MAT1A: variants seen among roughly 807,000 people sequenced by gnomAD.
The protein encoded by MAT1A is methionine adenosyltransferase 1A.
Under a neutral mutation model 44.0 loss-of-function variants are expected in MAT1A, and 19 were observed. That is an observed-to-expected ratio of 0.43 (90% CI 0.30 to 0.63). The LOEUF (loss-of-function observed/expected upper bound fraction) is 0.63, where lower values mean the gene tolerates loss of function less well. MAT1A is among the 30% of genes least tolerant of loss of function. The probability of loss-of-function intolerance (pLI) is 0.12; values close to 1 mark genes in which losing one functional copy is unlikely to be tolerated. For missense variants in MAT1A, 397 were observed against 531.0 expected (o/e 0.75, Z 2.48); for synonymous variants, 205 against 205.6 (o/e 1.00, Z 0.03).
rs377450172 is a variant in MAT1A at position 80,282,244 on chromosome 10, G to A, written c.293-1452C>T. On this transcript the variant is annotated intron_variant, in intron 3 of 8. Transcript: ENST00000372213. ...AGGAATTTGGAAAAACAGAACTTAG[G>A]GGACCAAGAGGGGAGGTACAGGACT... Among the ~76,000 whole-genome samples, 293 of 152,274 alleles carry A rather than the reference G, an allele frequency of 1.9e-3. 1 individual carries two copies. The highest frequency in any genetic ancestry group is 3.4e-3 in the Non-Finnish European group (232 of 68,034).
intron 6 of MAT1A, 129 bp downstream of exon 6, chr10:80,276,247 T>G: frequency 1.1e-6 from 1 of 922,658 alleles, no homozygotes; most frequent in Non-Finnish European, 1.7e-6. Context: ...TTCACCGACT[T>G]TACATTTAGT....
At chr10:80,278,793 C>T (rs563402609) in intron 5 of MAT1A, among the ~76,000 whole-genome samples, 35 of 152,366 alleles carry the variant, frequency 2.3e-4, no homozygotes, top group Admixed American at 1.9e-3. Context: ...ACACACAGCA[C>T]GCTGAGCTAT....
chr10:80,279,526 G>C (rs1305158603), intron 5 of MAT1A, among the ~76,000 whole-genome samples: 2 of 152,040 alleles, frequency 1.3e-5, no homozygotes, highest in Non-Finnish European at 2.9e-5. Flanking sequence ...GGGCTCATTG[G>C]GGTTAAGCAG....
At chr10:80,285,391 G>T in intron 2 of MAT1A, 121 bp downstream of exon 2, 1 of 802,214 alleles carries the variant, frequency 1.2e-6, no homozygotes, top group Non-Finnish European at 2.2e-6. Context: ...GAAATCTACT[G>T]CAGAGCAGAG....
intron 6 of MAT1A, 62 bp downstream of exon 6, chr10:80,276,314 G>T: frequency 1.3e-6 from 2 of 1,548,408 alleles, no homozygotes; most frequent in South Asian, 1.1e-5. Context: ...TTCCTGCTCT[G>T]AGACATAAGC....
intron 2 of MAT1A, among the ~76,000 whole-genome samples, chr10:80,284,389 T>A (rs1327961665): frequency 2.6e-5 from 4 of 152,080 alleles, no homozygotes; most frequent in Non-Finnish European, 5.9e-5. Flanking sequence ...AAGAAGGTAG[T>A]CCACACATGT....
intron 3 of MAT1A, among the ~76,000 whole-genome samples, chr10:80,282,098 A>G (rs894666964): frequency 5.9e-5 from 9 of 152,182 alleles, no homozygotes. Flanking sequence ...CAAATCAATG[A>G]ACAGTCTTTA....
chr10:80,278,915 G>A (rs1043732150), intron 5 of MAT1A, among the ~76,000 whole-genome samples: 1 of 152,256 alleles, frequency 6.6e-6, no homozygotes, highest in African/African-American at 2.4e-5. Context: ...GCCACTGAAG[G>A]AGAGGTGAAG....
At chr10:80,285,438 G>T in intron 2 of MAT1A, 74 bp downstream of exon 2, 23 of 1,259,308 alleles carry the variant, frequency 1.8e-5, no homozygotes, top group East Asian at 1.2e-4. Flanking sequence ...TGGCTCGTTT[G>T]TCTTATACCC....
chr10:80,280,554 GGGT>G, intron 4 of MAT1A, 123 bp downstream of exon 4: 2 of 1,028,276 alleles, frequency 1.9e-6, no homozygotes, highest in Non-Finnish European at 3.1e-6. Flanking sequence ...CGTGAAGCTG[GGGT>G]TCCCAACTCG....
chr10:80,273,742 G>A lies in MAT1A; in HGVS notation c.*39C>T, dbSNP rs907813543. On this transcript the variant is annotated 3_prime_UTR_variant, in exon 9 of 9. Transcript: ENST00000372213. ...TGGGGAAGAGGAGCATGGCCACCAG[G>A]TGCCTCCAGGGTGAGACCAGGCCCA... 11 of 1,430,284 alleles carry A rather than the reference G, an allele frequency of 7.7e-6. No homozygotes were observed. In the African/African-American group the frequency reaches 1.1e-4, roughly 15 times the overall value. 88.6% of individuals were successfully genotyped at this position (1,430,284 alleles called of 1,614,324 possible). A position where few individuals can be genotyped will look rare whatever the true frequency, so the allele number is the denominator to read the frequency against.
At chr10:80,279,339 G>A (rs1364750266) in intron 5 of MAT1A, among the ~76,000 whole-genome samples, 1 of 152,108 alleles carries the variant, frequency 6.6e-6, no homozygotes, top group African/African-American at 2.4e-5. Context: ...CGGGGGAAGG[G>A]CAGGAGGGAG....
intron 1 of MAT1A, 123 bp from the exon 2 acceptor site, chr10:80,285,712 C>T (rs1307436873): frequency 2.8e-6 from 2 of 711,676 alleles, no homozygotes; most frequent in African/African-American, 3.6e-5. Context: ...AGGGAAAACA[C>T]TTTTTTTAAG....
At position 80,289,390 on chromosome 10, in the gene MAT1A, A is replaced by T; in HGVS notation, c.34T>A (p.Ser12Thr). The T allele has an allele frequency of 6.2e-7, 1 of 1,614,112 alleles. No individual in the cohort carries two copies. Among genetic ancestry groups the T allele is most frequent in the Non-Finnish European group, 8.5e-7 (1 of 1,180,006 alleles). Reference sequence around the variant, plus strand: ...AACATGAAGACTCCTTCACTTAGAGAGTGGTCACACAAGCCATCCACCGGT... The same window carrying T: ...AACATGAAGACTCCTTCACTTAGAGTGTGGTCACACAAGCCATCCACCGGT... ...NGPVDGLCDH[S>T]LSEGVFMFTS... Residue 12 changes from serine to threonine, a missense_variant, in exon 1 of 9, where the codon TCT becomes ACT. Coordinates refer to ENST00000372213, the MANE Select transcript of MAT1A (RefSeq NM_000429.3).
At position 80,275,203 on chromosome 10, in the gene MAT1A, C is replaced by T; in HGVS notation, c.769-4G>A. 6.2e-7 allele frequency: 1 copy of T among 1,611,444 alleles called. No homozygotes were observed. Among genetic ancestry groups the T allele is most frequent in the Non-Finnish European group, 8.5e-7 (1 of 1,178,868 alleles). On this transcript the variant is annotated splice_polypyrimidine_tract_variant and splice_region_variant and intron_variant, in intron 6 of 8. Coordinates refer to ENST00000372213, the MANE Select transcript of MAT1A (RefSeq NM_000429.3). ...GGCCAGTGACACCCGCATCCCCCTG[C>T]AGAGGGAGAGAAATCAAGATAAGAA...
rs369573279 is a variant in MAT1A at position 80,279,379 on chromosome 10, C to G, written c.549+794G>C. On this transcript the variant is annotated intron_variant, in intron 5 of 8. Coordinates refer to ENST00000372213, the MANE Select transcript of MAT1A (RefSeq NM_000429.3). ...CAGGGTGCTGCACACGGCAGGCTCT[C>G]AGGGCCCATCTGCTTGGAGGGTGAT... Among the ~76,000 whole-genome samples, 99 of 152,146 alleles carry G rather than the reference C, an allele frequency of 6.5e-4. No homozygotes were observed. In the South Asian group the frequency reaches 0.02, roughly 31 times the overall value.
intron 7 of MAT1A, 40 bp from the exon 8 acceptor site, chr10:80,274,693 G>A (rs779170068): frequency 6.2e-7 from 1 of 1,613,418 alleles, no homozygotes; most frequent in Non-Finnish European, 8.5e-7. Flanking sequence ...AAGCCTCTGT[G>A]TGGGCCCTGC....
In MAT1A at chr10:80,273,806, T is replaced by A; in HGVS notation, c.1163A>T (p.Glu388Val). Reference sequence around the variant, plus strand: ...CTAAAATACAAGCTTCCTGGGAACCTCCCATGGGAACTCGCTTCTTCCGAA... The same window carrying A: ...CTAAAATACAAGCTTCCTGGGAACCACCCATGGGAACTCGCTTCTTCCGAA... ...GHFGRSEFPWEVPRKLVF is the reference protein window; with the variant it reads ...GHFGRSEFPWVVPRKLVF Residue 388 changes from glutamate to valine, a missense_variant, in exon 9 of 9, where the codon GAG (glutamate) becomes GTG (valine). Coordinates refer to ENST00000372213, the MANE Select transcript of MAT1A (RefSeq NM_000429.3). The A allele has an allele frequency of 6.2e-7, 1 of 1,613,390 alleles. No individual in the cohort carries two copies. Among genetic ancestry groups the A allele is most frequent in the Non-Finnish European group, 8.5e-7 (1 of 1,179,560 alleles).
intron 7 of MAT1A, 143 bp from the exon 8 acceptor site, chr10:80,274,796 T>C: frequency 7.7e-7 from 1 of 1,293,938 alleles, no homozygotes. Context: ...CCTGCTATCT[T>C]CACCGAGGGC....
Sources: allele counts gnomAD v4.1 joint callset (sites outside exome capture counted in the v4.1 genomes callset), GRCh38; gene constraint gnomAD v4.1.1; transcripts MANE v1.5; gene names NCBI Gene and HGNC (gene_info 2026-07-23, HGNC 2026-07-21).